Variants in EEIG2 observed in about 807,000 individuals in gnomAD.
The protein encoded by EEIG2 is family with sequence similarity 102 member B.
the EEIG2 span, among the ~76,000 whole-genome samples, chr1:108,585,844 T>C: frequency 6.6e-6 from 1 of 152,120 alleles, no homozygotes; most frequent in African/African-American, 2.4e-5. Context: ...TGTCGTTGGC[T>C]CATTTCTCTC....
chr1:108,589,128 C>T, the EEIG2 span, among the ~76,000 whole-genome samples: 1 of 152,046 alleles, frequency 6.6e-6, no homozygotes, highest in Non-Finnish European at 1.5e-5. Context: ...AGCCTCTTCT[C>T]CTGTTCAGGG....
At chr1:108,586,311 A>AGG in the EEIG2 span, among the ~76,000 whole-genome samples, 1 of 96,860 alleles carries the variant, frequency 1.0e-5, no homozygotes, top group African/African-American at 4.0e-5. Context: ...GTTTACGCAG[A>AGG]GGGGTGTGTG....
chr1:108,563,140 G>T, the EEIG2 span, among the ~76,000 whole-genome samples: 1 of 152,212 alleles, frequency 6.6e-6, no homozygotes, highest in South Asian at 2.1e-4. Flanking sequence ...TGGCATCTGG[G>T]AGCTTGAATG....
At chr1:108,629,619 G>A in the EEIG2 span, 2 of 1,611,438 alleles carry the variant, frequency 1.2e-6, no homozygotes, top group Admixed American at 3.3e-5. Flanking sequence ...TGGGTCCTGG[G>A]GGAAGTACAA....
At chr1:108,634,431 G>C in the EEIG2 span, among the ~76,000 whole-genome samples, 1 of 152,174 alleles carries the variant, frequency 6.6e-6, no homozygotes, top group Admixed American at 6.5e-5. Context: ...CATGGTGGTT[G>C]CTTCTGGGCT....
the EEIG2 span, chr1:108,635,213 C>T: frequency 1.9e-6 from 3 of 1,584,304 alleles, no homozygotes; most frequent in Non-Finnish European, 2.6e-6. Flanking sequence ...TGTATCAAGG[C>T]ATTTTATTCA....
At chr1:108,609,213 T>C in the EEIG2 span, among the ~76,000 whole-genome samples, 1 of 152,250 alleles carries the variant, frequency 6.6e-6, no homozygotes, top group African/African-American at 2.4e-5. Context: ...TCAACAAATA[T>C]GTATTAAGTG....
chr1:108,578,037 A>G, the EEIG2 span, among the ~76,000 whole-genome samples: 5 of 148,788 alleles, frequency 3.4e-5, no homozygotes, highest in African/African-American at 1.3e-4. Context: ...TTGGATTCCT[A>G]GGTATTTTAT....
At chr1:108,615,979 C>G in the EEIG2 span, among the ~76,000 whole-genome samples, 2 of 151,900 alleles carry the variant, frequency 1.3e-5, no homozygotes, top group African/African-American at 4.8e-5. Flanking sequence ...AGCCACACAC[C>G]CACAGGATTA....
chr1:108,615,146 C>T, the EEIG2 span, among the ~76,000 whole-genome samples: 1 of 152,188 alleles, frequency 6.6e-6, no homozygotes, highest in Non-Finnish European at 1.5e-5. Context: ...TTCATTAAGA[C>T]TATGAATTTT....
At chr1:108,615,971 C>A in the EEIG2 span, among the ~76,000 whole-genome samples, 2 of 151,932 alleles carry the variant, frequency 1.3e-5, no homozygotes, top group Non-Finnish European at 2.9e-5. Context: ...ATTAGCACAG[C>A]CACACACCCA....
At chr1:108,638,377 A>G in the EEIG2 span, 1 of 152,248 alleles carries the variant, frequency 6.6e-6, no homozygotes, top group Non-Finnish European at 1.5e-5. Flanking sequence ...TTCAAACAGC[A>G]GTTAGTTTTA....
the EEIG2 span, among the ~76,000 whole-genome samples, chr1:108,572,672 A>G: frequency 3.3e-5 from 5 of 151,910 alleles, no homozygotes; most frequent in Non-Finnish European, 5.9e-5. Context: ...CTGGAGTGCA[A>G]TGGTGCGATC....
At chr1:108,607,455 A>G in the EEIG2 span, among the ~76,000 whole-genome samples, 24 of 152,294 alleles carry the variant, frequency 1.6e-4, no homozygotes, top group East Asian at 5.8e-4. Flanking sequence ...ACTAATCACA[A>G]TCTAACAATG....
the EEIG2 span, chr1:108,624,717 A>C: frequency 1.2e-6 from 2 of 1,614,090 alleles, no homozygotes; most frequent in East Asian, 4.5e-5. Context: ...GAAAAGGTGG[A>C]GAGACTCTCA....
chr1:108,566,631 GTGTC>G, the EEIG2 span, among the ~76,000 whole-genome samples: 1 of 151,878 alleles, frequency 6.6e-6, no homozygotes, highest in Admixed American at 6.6e-5. Flanking sequence ...AACAACCTAA[GTGTC>G]TGTAAACAGA....
the EEIG2 span, among the ~76,000 whole-genome samples, chr1:108,617,005 G>A: frequency 2.0e-5 from 3 of 152,208 alleles, no homozygotes; most frequent in Non-Finnish European, 4.4e-5. Context: ...GAGACCTGAA[G>A]GAGGTGGGAA....
At chr1:108,580,791 A>C in the EEIG2 span, among the ~76,000 whole-genome samples, 1 of 152,192 alleles carries the variant, frequency 6.6e-6, no homozygotes, top group East Asian at 1.9e-4. Flanking sequence ...ACAGGGCTTA[A>C]GGAAAGAAGC....
chr1:108,606,060 G>C, the EEIG2 span, among the ~76,000 whole-genome samples: 3 of 152,114 alleles, frequency 2.0e-5, no homozygotes, highest in South Asian at 4.1e-4. Flanking sequence ...TGGTCATTTG[G>C]GGGGCTTGTG....
Sources: allele counts gnomAD v4.1 joint callset (sites outside exome capture counted in the v4.1 genomes callset), GRCh38; gene constraint gnomAD v4.1.1; transcripts MANE v1.5; gene names NCBI Gene and HGNC (gene_info 2026-07-23, HGNC 2026-07-21).